Variants in WDR27 observed in about 807,000 individuals in gnomAD.
WDR27 encodes the protein WD repeat-containing protein 27.
A neutral mutation model predicts 114.4 loss-of-function variants in WDR27; 100 were observed. That is an observed-to-expected ratio of 0.87 (90% CI 0.74 to 1.03). WDR27 has a LOEUF of 1.03. WDR27 is among the 50% of genes least tolerant of loss of function. The probability of loss-of-function intolerance (pLI) is 0.00; values close to 1 mark genes in which losing one functional copy is unlikely to be tolerated. For synonymous variants in WDR27, 449 were observed against 423.1 expected, an observed-to-expected ratio of 1.06 and a Z score of -0.75; for missense variants, 1,129 against 1,092.9, an observed-to-expected ratio of 1.03 and a Z score of -0.47.
chr6:169,437,759 A>G, the WDR27 span, among the ~76,000 whole-genome samples: 1 of 152,192 alleles, frequency 6.6e-6, no homozygotes, highest in East Asian at 1.9e-4. Flanking sequence ...AACAATTTTT[A>G]TAGAACAACA....
intron 25 of WDR27, among the ~76,000 whole-genome samples, chr6:169,520,396 C>T (rs1794221683): frequency 6.6e-6 from 1 of 151,998 alleles, no homozygotes; most frequent in Non-Finnish European, 1.5e-5. Flanking sequence ...AAGTAAATTA[C>T]AAAGAATTTT....
At chr6:169,642,456 A>C (rs1386986813) in intron 17 of WDR27, among the ~76,000 whole-genome samples, 1 of 152,206 alleles carries the variant, frequency 6.6e-6, no homozygotes, top group East Asian at 1.9e-4. Context: ...TCAACTATTC[A>C]GCCACGAAAG....
intron 1 of WDR27, among the ~76,000 whole-genome samples, chr6:169,691,116 G>A (rs560449679): frequency 1.2e-4 from 18 of 152,278 alleles, no homozygotes; most frequent in African/African-American, 4.3e-4. Flanking sequence ...TCAAGAGGCT[G>A]AGGCAGGAGA....
chr6:169,662,564 A>G (rs1826514121), intron 8 of WDR27, 140 bp from the exon 9 acceptor site: 2 of 1,099,760 alleles, frequency 1.8e-6, no homozygotes, highest in Non-Finnish European at 2.6e-6. Context: ...GGAAAGCACT[A>G]AGGTAACACC....
intron 25 of WDR27, among the ~76,000 whole-genome samples, chr6:169,507,859 T>C (rs963620200): frequency 2.0e-5 from 3 of 152,012 alleles, no homozygotes; most frequent in Non-Finnish European, 4.4e-5. Context: ...AGACCACATG[T>C]GGCACTCTCA....
intron 21 of WDR27, among the ~76,000 whole-genome samples, chr6:169,622,380 G>C (rs140178102): frequency 6.6e-6 from 1 of 152,148 alleles, no homozygotes; most frequent in Admixed American, 6.5e-5. Flanking sequence ...TGCCTCAGAT[G>C]TTCAGGGTTC....
At chr6:169,444,883 A>T in the WDR27 span, among the ~76,000 whole-genome samples, 2 of 152,148 alleles carry the variant, frequency 1.3e-5, no homozygotes, top group African/African-American at 4.8e-5. Context: ...CAGAGGCTGC[A>T]CAGCCCTCTG....
intron 25 of WDR27, among the ~76,000 whole-genome samples, chr6:169,495,499 CA>C: frequency 7.6e-6 from 1 of 132,114 alleles, no homozygotes; most frequent in South Asian, 2.6e-4. Flanking sequence ...ATCAATGAAA[CA>C]AAAAGTTGAT....
chr6:169,597,177 G>T (rs1453872847), intron 23 of WDR27, among the ~76,000 whole-genome samples: 3 of 152,108 alleles, frequency 2.0e-5, no homozygotes, highest in African/African-American at 7.2e-5. Flanking sequence ...ATATCTTTCA[G>T]TTCTAGGAAA....
At chr6:169,554,717 C>T (rs1046027786) in intron 25 of WDR27, among the ~76,000 whole-genome samples, 1 of 152,162 alleles carries the variant, frequency 6.6e-6, no homozygotes, top group Admixed American at 6.5e-5. Context: ...CCACCATGTG[C>T]AACCGTAAAA....
At chr6:169,466,530 C>A (rs981161152) in intron 25 of WDR27, among the ~76,000 whole-genome samples, 7 of 152,156 alleles carry the variant, frequency 4.6e-5, no homozygotes, top group Non-Finnish European at 8.8e-5. Flanking sequence ...AGGGTAACTG[C>A]TCCCACAATT....
the WDR27 span, among the ~76,000 whole-genome samples, chr6:169,430,867 C>T: frequency 6.6e-6 from 1 of 152,302 alleles, no homozygotes; most frequent in East Asian, 1.9e-4. Context: ...ACCATGGCAT[C>T]ATACATAGGC....
chr6:169,655,750 C>T (rs1824000141), intron 13 of WDR27, among the ~76,000 whole-genome samples: 1 of 152,072 alleles, frequency 6.6e-6, no homozygotes, highest in African/African-American at 2.4e-5. Flanking sequence ...GACGGAGTCT[C>T]GCCCTGTTGC....
At chr6:169,596,049 T>C (rs1222145072) in intron 23 of WDR27, among the ~76,000 whole-genome samples, 1 of 152,174 alleles carries the variant, frequency 6.6e-6, no homozygotes, top group Non-Finnish European at 1.5e-5. Flanking sequence ...AGGTGTTTTT[T>C]TGTTAATGTT....
At chr6:169,696,716 C>G (rs944475715) in intron 1 of WDR27, among the ~76,000 whole-genome samples, 9 of 152,156 alleles carry the variant, frequency 5.9e-5, no homozygotes, top group Non-Finnish European at 1.2e-4. Flanking sequence ...AGTTCAAGAA[C>G]CAGCCTGGCC....
At chr6:169,566,423 A>C (rs9478053) in intron 25 of WDR27, among the ~76,000 whole-genome samples, 69,389 of 152,194 alleles carry the variant, frequency 0.46, 19,780 homozygotes, top group Non-Finnish European at 0.65. Context: ...AGACCCTGAG[A>C]GTGGCCACTG....
rs564347505 is a variant in WDR27 at position 169,517,707 on chromosome 6, T to C, written c.2645+54712A>G. Among the ~76,000 whole-genome samples, 18 of 152,334 alleles carry C rather than the reference T, an allele frequency of 1.2e-4. No homozygotes were observed. In the East Asian group the frequency reaches 3.3e-3, roughly 28 times the overall value. ...TATATTGGAATGCCTTAATTTCTTC[T>C]ACATTTTTGAAGGATCATTTTGCTG... is the stretch of plus-strand genomic sequence containing the variant. On this transcript the variant is annotated intron_variant, in intron 25 of 25. Coordinates refer to ENST00000448612, the MANE Select transcript of WDR27 (RefSeq NM_182552.5).
chr6:169,463,943 C>T (rs1583579568), intron 25 of WDR27, among the ~76,000 whole-genome samples: 1 of 152,146 alleles, frequency 6.6e-6, no homozygotes, highest in African/African-American at 2.4e-5. Context: ...CTTAATATCA[C>T]TAAAAAGTCT....
the WDR27 span, among the ~76,000 whole-genome samples, chr6:169,429,885 T>C: frequency 6.6e-6 from 1 of 152,218 alleles, no homozygotes; most frequent in African/African-American, 2.4e-5. Flanking sequence ...AGTGTCCTAT[T>C]TCCAAGCAAT....
Sources: allele counts gnomAD v4.1 joint callset (sites outside exome capture counted in the v4.1 genomes callset), GRCh38; gene constraint gnomAD v4.1.1; transcripts MANE v1.5; gene names NCBI Gene and HGNC (gene_info 2026-07-23, HGNC 2026-07-21).